CACNA1E: variants seen among roughly 807,000 people sequenced by gnomAD.
The protein encoded by CACNA1E is calcium voltage-gated channel subunit alpha1 E.
CACNA1E carries 40 observed loss-of-function variants against 259.2 expected under a neutral mutation model. That is an observed-to-expected ratio of 0.15 (90% CI 0.12 to 0.20). The LOEUF (loss-of-function observed/expected upper bound fraction) is 0.20, where lower values mean the gene tolerates loss of function less well. Among genes scored for constraint, CACNA1E ranks in the 10% least tolerant of loss-of-function variants. The pLI, the probability that CACNA1E is intolerant of heterozygous loss-of-function variation, is 1.00. For missense variants in CACNA1E, 1,874 were observed against 3,040.1 expected, an observed-to-expected ratio of 0.62 and a Z score of 9.02; for synonymous variants, 1,104 against 1,138.5, an observed-to-expected ratio of 0.97 and a Z score of 0.61.
chr1:181,481,377 C>T (rs1330452925), upstream of CACNA1E, among the ~76,000 whole-genome samples: 1 of 151,508 alleles, frequency 6.6e-6, no homozygotes, highest in Non-Finnish European at 1.5e-5. Context: ...CACACTCTCA[C>T]ATACATTCTC....
At chr1:181,333,667 T>C (rs79638215) in intron 1 of CACNA1E, among the ~76,000 whole-genome samples, 11,840 of 152,220 alleles carry the variant, frequency 0.078, 574 homozygotes, top group East Asian at 0.15. Flanking sequence ...CTTTCTTTTT[T>C]TTTTTTGAGA....
chr1:181,575,562 T>A (rs1572257257), intron 3 of CACNA1E, among the ~76,000 whole-genome samples: 1 of 152,350 alleles, frequency 6.6e-6, no homozygotes, highest in Non-Finnish European at 1.5e-5. Flanking sequence ...TTCTTTGCCT[T>A]TTAATTTTAT....
At chr1:181,639,047 T>C (rs1377884406) in intron 6 of CACNA1E, among the ~76,000 whole-genome samples, 2 of 152,156 alleles carry the variant, frequency 1.3e-5, no homozygotes, top group African/African-American at 2.4e-5. Flanking sequence ...GATTAATGTA[T>C]GCTATGCACC....
intron 7 of CACNA1E, among the ~76,000 whole-genome samples, chr1:181,653,518 G>A (rs1190071137): frequency 6.6e-6 from 1 of 152,188 alleles, no homozygotes; most frequent in Non-Finnish European, 1.5e-5. Flanking sequence ...CCTCAGTCTT[G>A]CGTATGTCTT....
At chr1:181,322,351 C>G (rs1289229083) in intron 1 of CACNA1E, among the ~76,000 whole-genome samples, 2 of 152,058 alleles carry the variant, frequency 1.3e-5, no homozygotes, top group Non-Finnish European at 1.5e-5. Flanking sequence ...TCTTTGTCCT[C>G]CTGGTGCTGA....
intron 1 of CACNA1E, among the ~76,000 whole-genome samples, chr1:181,490,784 G>T (rs1291263302): frequency 6.6e-6 from 1 of 152,158 alleles, no homozygotes; most frequent in African/African-American, 2.4e-5. Context: ...CTTCCCTTTG[G>T]GGGAGGGATT....
chr1:181,513,510 G>A (rs571773794), intron 3 of CACNA1E, among the ~76,000 whole-genome samples: 27 of 152,298 alleles, frequency 1.8e-4, no homozygotes, highest in Middle Eastern at 3.4e-3. Flanking sequence ...TCCAACGTAC[G>A]TCTTTTGGAT....
In CACNA1E at chr1:181,798,846, C is replaced by T. The variant is rs532457675; in HGVS notation, c.*12C>T. The T allele has an allele frequency of 9.3e-6, 14 of 1,497,886 alleles. No individual in the cohort carries two copies. Among genetic ancestry groups the T allele is most frequent in the African/African-American group, 2.8e-5 (2 of 72,010 alleles). The allele number at this position is 1,497,886 out of a possible 1,614,324, so 92.8% of individuals were successfully genotyped here. ...ATGACAAATGCTAGAGGCTGCTCCC[C>T]CCTCCGATGCATGCTCTTCTCTCAC... On this transcript the variant is annotated 3_prime_UTR_variant, in exon 48 of 48. Transcript: ENST00000367573. This position sits in a 1 kb window ranked among gnomAD's most constrained non-coding sequence, Gnocchi z 4.2.
chr1:181,422,639 T>C (rs1377143775), intron 2 of CACNA1E, among the ~76,000 whole-genome samples: 1 of 152,244 alleles, frequency 6.6e-6, no homozygotes, highest in Non-Finnish European at 1.5e-5. Context: ...CATTTTGCTC[T>C]TTTGCTAGAT....
At chr1:181,538,732 A>G (rs1312777111) in intron 3 of CACNA1E, among the ~76,000 whole-genome samples, 1 of 152,212 alleles carries the variant, frequency 6.6e-6, no homozygotes, top group Non-Finnish European at 1.5e-5. Flanking sequence ...GAGATTGCCA[A>G]GGAGAACATG....
chr1:181,357,239 C>A (rs996675591), intron 1 of CACNA1E, among the ~76,000 whole-genome samples: 1 of 152,188 alleles, frequency 6.6e-6, no homozygotes, highest in Non-Finnish European at 1.5e-5. Context: ...CAGCTTCCTC[C>A]CCTCCAGCGG....
intron 3 of CACNA1E, among the ~76,000 whole-genome samples, chr1:181,511,933 G>A (rs747277096): frequency 1.6e-4 from 24 of 152,362 alleles, no homozygotes; most frequent in Non-Finnish European, 2.4e-4. Context: ...TCTTTTGGGC[G>A]TTGGAGAAGA....
chr1:181,451,865 A>T (rs3845435), intron 2 of CACNA1E, among the ~76,000 whole-genome samples: 14,220 of 152,224 alleles, frequency 0.093, 821 homozygotes, highest in South Asian at 0.19. Context: ...GGAGCCAATA[A>T]TGTATTTTAA....
chr1:181,391,762 T>C (rs919188762), intron 1 of CACNA1E, among the ~76,000 whole-genome samples: 8 of 152,128 alleles, frequency 5.3e-5, no homozygotes, highest in African/African-American at 1.9e-4. Context: ...TGCAGTAAAT[T>C]TCAGGCACTG....
intron 2 of CACNA1E, among the ~76,000 whole-genome samples, chr1:181,435,178 G>C (rs1312514816): frequency 6.6e-6 from 1 of 152,162 alleles, no homozygotes. Context: ...TTCCCCTAGA[G>C]AGCTAGTTGT....
intron 2 of CACNA1E, among the ~76,000 whole-genome samples, chr1:181,453,257 T>A (rs570716856): frequency 2.6e-5 from 4 of 152,356 alleles, no homozygotes; most frequent in African/African-American, 9.6e-5. Flanking sequence ...TGTTTCCTAA[T>A]CATACAGTGA....
At chr1:181,470,068 TGA>T (rs751490718) in intron 2 of CACNA1E, among the ~76,000 whole-genome samples, 1 of 144,110 alleles carries the variant, frequency 6.9e-6, no homozygotes, top group Admixed American at 6.9e-5. Flanking sequence ...AGAGAGAGAG[TGA>T]GAGAGAGAGA....
chr1:181,425,308 C>T lies in CACNA1E; in HGVS notation c.434+11728C>T, dbSNP rs528290818. Among the ~76,000 whole-genome samples the T allele has an allele frequency of 8.5e-5, 13 of 152,208 alleles. No individual in the cohort carries two copies. The South Asian group carries it at 2.5e-3, about 29-fold the overall frequency. Reference sequence around the variant, plus strand: ...GACTCCCACCGCAGTCCAGGGCCTTCCCCCTCCCTGACCACTGGCAACCCC... The same window carrying T: ...GACTCCCACCGCAGTCCAGGGCCTTTCCCCTCCCTGACCACTGGCAACCCC... On this transcript the variant is annotated intron_variant, in intron 2 of 11. Transcript: ENST00000524607.
intron 6 of CACNA1E, among the ~76,000 whole-genome samples, chr1:181,606,282 T>C (rs1369737593): frequency 6.6e-6 from 1 of 152,138 alleles, no homozygotes; most frequent in Non-Finnish European, 1.5e-5. Flanking sequence ...CCTCTGTTGT[T>C]CTCTTTCCCA....
Sources: allele counts gnomAD v4.1 joint callset (sites outside exome capture counted in the v4.1 genomes callset), GRCh38; gene constraint gnomAD v4.1.1; non-coding constraint Gnocchi (gnomAD v3.1); transcripts MANE v1.5; gene names NCBI Gene and HGNC (gene_info 2026-07-23, HGNC 2026-07-21).